FSTL5: variants seen among roughly 807,000 people sequenced by gnomAD.
The protein encoded by FSTL5 is follistatin like 5.
FSTL5 carries 62 observed loss-of-function variants against 89.1 expected under a neutral mutation model. The ratio of observed to expected loss-of-function variants is 0.70; its 90% CI spans 0.57 to 0.86. The LOEUF is 0.86. Among genes scored for constraint, FSTL5 ranks in the 40% least tolerant of loss-of-function variants. The pLI is 0.00. For synonymous variants in FSTL5, 383 were observed against 346.2 expected, an observed-to-expected ratio of 1.11 and a Z score of -1.18; for missense variants, 1,057 against 1,001.6, an observed-to-expected ratio of 1.06 and a Z score of -0.75.
intron 3 of FSTL5, among the ~76,000 whole-genome samples, chr4:162,016,042 T>C (rs1006478763): frequency 2.1e-4 from 32 of 152,114 alleles, no homozygotes; most frequent in African/African-American, 6.3e-4. Flanking sequence ...ATACAGTAAA[T>C]ACCCTGCCAT....
chr4:162,112,814 C>CACACACACACACA (rs1301455972), intron 1 of FSTL5, among the ~76,000 whole-genome samples: 1 of 146,282 alleles, frequency 6.8e-6, no homozygotes, highest in African/African-American at 2.5e-5. Flanking sequence ...CACACACACA[C>CACACACACACACA]ACCAGTGGGC....
intron 7 of FSTL5, among the ~76,000 whole-genome samples, chr4:161,639,478 CA>C (rs1450259496): frequency 6.6e-6 from 1 of 152,032 alleles, no homozygotes; most frequent in Non-Finnish European, 1.5e-5. Context: ...AGATAAGCTA[CA>C]AAAACATAAA....
intron 1 of FSTL5, among the ~76,000 whole-genome samples, chr4:162,122,698 C>A (rs1731917626): frequency 6.6e-6 from 1 of 152,032 alleles, no homozygotes; most frequent in Admixed American, 6.5e-5. Flanking sequence ...AAGTAGGTAG[C>A]AAATGGATGT....
intron 6 of FSTL5, among the ~76,000 whole-genome samples, chr4:161,753,028 C>G (rs1387768985): frequency 6.6e-6 from 1 of 152,116 alleles, no homozygotes; most frequent in Non-Finnish European, 1.5e-5. Context: ...GTTGAAGCCA[C>G]CTGTCTAACA....
At chr4:161,617,291 T>C (rs1734908516) in intron 7 of FSTL5, among the ~76,000 whole-genome samples, 1 of 152,050 alleles carries the variant, frequency 6.6e-6, no homozygotes, top group Admixed American at 6.6e-5. Flanking sequence ...GATATGTCAG[T>C]AAACATCAAG....
chr4:161,831,520 C>A (rs1276453897), intron 4 of FSTL5, among the ~76,000 whole-genome samples: 2 of 150,460 alleles, frequency 1.3e-5, no homozygotes, highest in African/African-American at 2.4e-5. Context: ...TGTTTTGTTA[C>A]AAAAAAAAGC....
At chr4:161,600,738 C>T (rs1734201419) in intron 7 of FSTL5, among the ~76,000 whole-genome samples, 1 of 152,016 alleles carries the variant, frequency 6.6e-6, no homozygotes, top group Non-Finnish European at 1.5e-5. Flanking sequence ...AATCGAATGG[C>T]CCAAAAAACC....
chr4:161,526,268 A>G (rs1380810272), intron 10 of FSTL5, among the ~76,000 whole-genome samples: 4 of 152,174 alleles, frequency 2.6e-5, no homozygotes, highest in Non-Finnish European at 4.4e-5. Flanking sequence ...TTACAAACAC[A>G]ATTTGACCTA....
intron 7 of FSTL5, among the ~76,000 whole-genome samples, chr4:161,601,943 G>GA (rs1734254361): frequency 2.0e-5 from 3 of 151,700 alleles, no homozygotes; most frequent in African/African-American, 4.8e-5. Flanking sequence ...AAAATAGAAA[G>GA]AAAAAATAAT....
At chr4:161,894,198 A>T (rs1007741175) in intron 4 of FSTL5, among the ~76,000 whole-genome samples, 2 of 152,174 alleles carry the variant, frequency 1.3e-5, no homozygotes, top group Non-Finnish European at 2.9e-5. Flanking sequence ...TAAGAGGTGG[A>T]GCACAGGTTA....
At chr4:161,853,260 TTTGTTGTTG>T (rs529478220) in intron 4 of FSTL5, among the ~76,000 whole-genome samples, 2 of 151,920 alleles carry the variant, frequency 1.3e-5, no homozygotes, top group African/African-American at 4.8e-5. Context: ...AAGTGACTTG[TTTGTTGTTG>T]TTGTTGTTGT....
Position 161,429,054 on chromosome 4 carries a change from C to A in FSTL5, c.1841+25950G>T, listed in dbSNP as rs554007098. Among the ~76,000 whole-genome samples, 6 of 152,160 alleles carry A rather than the reference C, an allele frequency of 3.9e-5. No homozygotes were observed. In the South Asian group the frequency reaches 1.2e-3, roughly 32 times the overall value. Reference sequence around the variant, plus strand: ...CTTACCACAAGCTTACTGAAGCCCTCTTGGGATTGAGTGTAGCCAGGCAGT... The same window carrying A: ...CTTACCACAAGCTTACTGAAGCCCTATTGGGATTGAGTGTAGCCAGGCAGT... On this transcript the variant is annotated intron_variant, in intron 15 of 15. Transcript: ENST00000306100.
rs117275616 is a variant in FSTL5 at position 161,655,461 on chromosome 4, G to A, written c.894+867C>T. The stretch of plus-strand genomic sequence containing the variant: ...TTGTACTTACTGTAATTATTTCAGC[G>A]AAAGCCACGTGATGCCAGTCATACA... On this transcript the variant is annotated intron_variant, in intron 7 of 15. Coordinates refer to ENST00000306100, the MANE Select transcript of FSTL5 (RefSeq NM_020116.5). Among the ~76,000 whole-genome samples the A allele has an allele frequency of 6.1e-3, 929 of 152,148 alleles. 10 individuals carry two copies. Among genetic ancestry groups the A allele is most frequent in the South Asian group, 0.046 (224 of 4,824 alleles).
At chr4:161,560,925 T>C (rs1732573163) in intron 8 of FSTL5, among the ~76,000 whole-genome samples, 1 of 151,972 alleles carries the variant, frequency 6.6e-6, no homozygotes, top group Non-Finnish European at 1.5e-5. Flanking sequence ...GCCAGTAACA[T>C]AGTCATTTAT....
intron 4 of FSTL5, 113 bp from the exon 5 acceptor site, chr4:161,776,187 T>C: frequency 1.8e-6 from 1 of 556,752 alleles, no homozygotes; most frequent in South Asian, 5.2e-5. Flanking sequence ...TAATTTTTAC[T>C]TTTCTGGTGT....
chr4:161,522,802 T>C (rs1731084099), intron 10 of FSTL5, among the ~76,000 whole-genome samples: 1 of 151,666 alleles, frequency 6.6e-6, no homozygotes, highest in African/African-American at 2.4e-5. Flanking sequence ...AAAGTATAAG[T>C]GATTCCGAAA....
At chr4:161,671,929 A>G (rs1737127458) in intron 6 of FSTL5, among the ~76,000 whole-genome samples, 1 of 152,150 alleles carries the variant, frequency 6.6e-6, no homozygotes, top group Non-Finnish European at 1.5e-5. Flanking sequence ...TTCCCAGGGC[A>G]CATTCTCAGC....
intron 4 of FSTL5, among the ~76,000 whole-genome samples, chr4:161,884,692 C>A (rs1259894264): frequency 2.0e-5 from 3 of 152,052 alleles, no homozygotes; most frequent in Non-Finnish European, 2.9e-5. Flanking sequence ...TGATGTGAAA[C>A]TATAGAGCTT....
chr4:161,812,878 G>GAAAAA (rs1730199696), intron 4 of FSTL5, among the ~76,000 whole-genome samples: 2 of 3,960 alleles, frequency 5.1e-4, no homozygotes, highest in Admixed American at 6.7e-3. Context: ...CTAAATCCCA[G>GAAAAA]CAAAAAAAAA....
Sources: gnomAD v4.1 joint callset for allele counts (sites outside exome capture counted in the v4.1 genomes callset) on GRCh38, gnomAD v4.1.1 for gene constraint, MANE v1.5 for transcripts, NCBI Gene and HGNC (gene_info 2026-07-23, HGNC 2026-07-21) for gene names.